ANO6: variants seen among roughly 807,000 people sequenced by gnomAD.
ANO6 encodes the protein anoctamin-6.
ANO6 carries 106 observed loss-of-function variants against 117.5 expected under a neutral mutation model. That is an observed-to-expected ratio of 0.90 (90% confidence interval 0.77 to 1.06). ANO6 has a LOEUF of 1.06. ANO6 is among the 50% of genes least tolerant of loss of function. The pLI is 0.00. For synonymous variants in ANO6, 367 were observed against 385.1 expected (o/e 0.95, Z 0.55); for missense variants, 955 against 1,121.1 (o/e 0.85, Z 2.12).
chr12:45,229,253 C>T (rs1206562806), intron 1 of ANO6, among the ~76,000 whole-genome samples: 2 of 152,126 alleles, frequency 1.3e-5, no homozygotes, highest in Non-Finnish European at 2.9e-5. Flanking sequence ...AGGCACCCTG[C>T]TGTATGTACT....
At chr12:45,284,946 C>G (rs1019456208) in intron 1 of ANO6, among the ~76,000 whole-genome samples, 23 of 152,178 alleles carry the variant, frequency 1.5e-4, no homozygotes, top group African/African-American at 5.5e-4. Flanking sequence ...TATGTCATTT[C>G]TGTTATTTCT....
intron 10 of ANO6, among the ~76,000 whole-genome samples, chr12:45,384,508 C>T (rs1942246299): frequency 6.6e-6 from 1 of 152,192 alleles, no homozygotes. Context: ...TTCACTTGAA[C>T]ACCTTGAAGC....
intron 11 of ANO6, among the ~76,000 whole-genome samples, chr12:45,389,262 C>T (rs770338533): frequency 3.3e-5 from 5 of 152,154 alleles, no homozygotes; most frequent in South Asian, 2.1e-4. Flanking sequence ...ATTTGTCTTT[C>T]GCAATGTAAA....
At chr12:45,260,150 A>C (rs956793096) in intron 1 of ANO6, among the ~76,000 whole-genome samples, 1 of 152,364 alleles carries the variant, frequency 6.6e-6, no homozygotes, top group Admixed American at 6.5e-5. Flanking sequence ...CGCTGGGCTC[A>C]GTACATGTTT....
chr12:45,349,838 T>C (rs1044029827), intron 6 of ANO6, among the ~76,000 whole-genome samples: 9 of 152,218 alleles, frequency 5.9e-5, no homozygotes, highest in African/African-American at 2.2e-4. Context: ...TAACAGGACA[T>C]GAATTTTGAG....
At chr12:45,393,181 C>T (rs563351463) in intron 12 of ANO6, among the ~76,000 whole-genome samples, 64 of 152,244 alleles carry the variant, frequency 4.2e-4, no homozygotes, top group African/African-American at 1.3e-3. Flanking sequence ...AACCATGGCA[C>T]GGGAACTTTG....
chr12:45,220,312 ATGTCAT>A (rs1053527126), intron 1 of ANO6, among the ~76,000 whole-genome samples: 19 of 119,386 alleles, frequency 1.6e-4, no homozygotes, highest in Admixed American at 1.5e-3. Flanking sequence ...ATGGTCATGT[ATGTCAT>A]TGAGGGGTAG....
chr12:45,401,744 C>A, intron 12 of ANO6, 51 bp from the exon 13 acceptor site: 1 of 1,430,102 alleles, frequency 7.0e-7, no homozygotes, highest in Non-Finnish European at 9.9e-7. Context: ...TTTAATAGTA[C>A]AAGTGCAGTT....
chr12:45,261,904 A>G (rs1478297684), intron 1 of ANO6, among the ~76,000 whole-genome samples: 1 of 152,220 alleles, frequency 6.6e-6, no homozygotes, highest in African/African-American at 2.4e-5. Context: ...TACCGTTTTC[A>G]CTTAAATGGC....
Position 45,419,200 on chromosome 12 carries a change from A to G in ANO6, c.2218-1871A>G, listed in dbSNP as rs1170826327. Among the ~76,000 whole-genome samples, 5 of 152,374 alleles carry G rather than the reference A, an allele frequency of 3.3e-5. No homozygotes were observed. In the East Asian group the frequency reaches 9.6e-4, roughly 29 times the overall value. On this transcript the variant is annotated intron_variant, in intron 17 of 19. Transcript: ENST00000320560. The stretch of plus-strand genomic sequence containing the variant: ...TTTATATAAATGGAAAACTGTGTGC[A>G]GAACAGCATGGGAAATGAAACACAC...
Position 45,305,101 on chromosome 12 carries a change from G to A in ANO6, c.150+3008G>A, listed in dbSNP as rs114786569. Among the ~76,000 whole-genome samples, 1,086 of 152,292 alleles carry A rather than the reference G, an allele frequency of 7.1e-3. 12 individuals are homozygous for A. Among genetic ancestry groups the A allele is most frequent in the African/African-American group, 0.024 (1,012 of 41,570 alleles). On this transcript the variant is annotated intron_variant, in intron 2 of 19. Coordinates refer to ENST00000320560, the MANE Select transcript of ANO6 (RefSeq NM_001025356.3). ...TAGCTAAACTATGCAAAAATGGTAA[G>A]TGGTGAATAGAGATGTGAACATAAG...
intron 1 of ANO6, among the ~76,000 whole-genome samples, chr12:45,267,135 A>T (rs1255786004): frequency 6.6e-6 from 1 of 152,206 alleles, no homozygotes; most frequent in East Asian, 1.9e-4. Context: ...AATACTTTAG[A>T]CTGGGTTGTT....
At chr12:45,290,869 T>G (rs1443878662) in intron 1 of ANO6, among the ~76,000 whole-genome samples, 1 of 152,176 alleles carries the variant, frequency 6.6e-6, no homozygotes, top group African/African-American at 2.4e-5. Flanking sequence ...AGAGGATTCA[T>G]GGGTTCTGAT....
chr12:45,395,978 G>T (rs1477502079), intron 12 of ANO6, among the ~76,000 whole-genome samples: 1 of 152,160 alleles, frequency 6.6e-6, no homozygotes, highest in Non-Finnish European at 1.5e-5. Flanking sequence ...CATAGTGTTG[G>T]AAGTTCTGGC....
intron 8 of ANO6, among the ~76,000 whole-genome samples, chr12:45,361,565 A>T (rs922157874): frequency 6.6e-6 from 1 of 152,148 alleles, no homozygotes; most frequent in Admixed American, 6.5e-5. Context: ...AGAACCTCCA[A>T]TATAATGATC....
Position 45,423,101 on chromosome 12 carries a change from G to T in ANO6, c.2526+39G>T, listed in dbSNP as rs758695615. 1.2e-5 allele frequency: 17 copies of T among 1,469,408 alleles called. No homozygotes were observed. In the African/African-American group the frequency reaches 2.1e-4, roughly 18 times the overall value. 91.0% of individuals were successfully genotyped at this position (1,469,408 alleles called of 1,614,324 possible). A position where few individuals can be genotyped will look rare whatever the true frequency, so the allele number is the denominator to read the frequency against. On this transcript the variant is annotated intron_variant, in intron 19 of 19. Transcript: ENST00000320560. ...GCTTTCAAACAGTTTATAAGGATGTGTATTTGCAGACCTTCCATTAAGTGT... is the reference window on the plus strand; with the variant it reads ...GCTTTCAAACAGTTTATAAGGATGTTTATTTGCAGACCTTCCATTAAGTGT...
Position 45,431,650 on chromosome 12 carries a change from AGT to A in ANO6, c.*2342_*2343del, listed in dbSNP as rs1943635324. The A allele has an allele frequency of 1.0e-6, 1 of 985,310 alleles. No individual in the cohort carries two copies. Among genetic ancestry groups the A allele is most frequent in the Admixed American group, 6.2e-5 (1 of 16,260 alleles). The allele number at this position is 985,310 out of a possible 1,614,324, so 61.0% of individuals were successfully genotyped here. ...AGGGTCATTTCCCCATGCCATCCAC[AGT>A]GTTTGTTAGTGAGTCCACGGCTGAC... On this transcript the variant is annotated 3_prime_UTR_variant, in exon 20 of 20. Transcript: ENST00000320560.
At chr12:45,317,382 T>C (rs1446798758) in intron 2 of ANO6, among the ~76,000 whole-genome samples, 1 of 149,778 alleles carries the variant, frequency 6.7e-6, no homozygotes, top group Admixed American at 6.7e-5. Flanking sequence ...TTTGGTTTTT[T>C]GTCCTTGCGA....
chr12:45,216,354 A>C lies in ANO6; in HGVS notation c.33A>C (p.Gln11His). The change falls in exon 1 of 20, where the codon CAA (glutamine) becomes CAC (histidine). Residue 11 changes from glutamine to histidine, a missense_variant. Physicochemically the swap from Gln to His is conservative, Grantham distance 24. Transcript: ENST00000320560. ...AGATGAGCAGGAATGTTTTGCTACA[A>C]ATGGAGGAGGAGGAGGACGACGACG... MKKMSRNVLL[Q>H]MEEEEDDDDG... The C allele has an allele frequency of 6.2e-7, 1 of 1,612,982 alleles. No individual in the cohort carries two copies. The highest frequency in any genetic ancestry group is 8.5e-7 in the Non-Finnish European group (1 of 1,179,428).
Sources: allele counts gnomAD v4.1 joint callset (sites outside exome capture counted in the v4.1 genomes callset), GRCh38; gene constraint gnomAD v4.1.1; transcripts MANE v1.5; gene names NCBI Gene and HGNC (gene_info 2026-07-23, HGNC 2026-07-21).